Variants in RAB37 observed in about 807,000 individuals in gnomAD.
RAB37 encodes RAB37, member RAS oncogene family.
A neutral mutation model predicts 33.1 loss-of-function variants in RAB37; 29 were observed. The observed-to-expected ratio is 0.88, with a 90% confidence interval of 0.65 to 1.20. The LOEUF is 1.20. Ranked by LOEUF, RAB37 falls within the 50% of genes most tolerant of loss-of-function variation. The pLI is 0.00. For synonymous variants in RAB37, 128 were observed against 119.5 expected, an observed-to-expected ratio of 1.07 and a Z score of -0.47; for missense variants, 299 against 301.1, an observed-to-expected ratio of 0.99 and a Z score of 0.05.
rs557679640 is a variant in RAB37 at position 74,710,239 on chromosome 17, T to A, written c.73-19017T>A. On this transcript the variant is annotated intron_variant, in intron 1 of 7. Transcript: ENST00000340415. The stretch of plus-strand genomic sequence containing the variant: ...ATCCGCCTGCCTTGGCCTCCCAAAG[T>A]GCTGGGATTACAGGCGTGAGCCACT... 5.3e-5 allele frequency among the ~76,000 whole-genome samples: 8 copies of A among 152,300 alleles called. No individual in the cohort carries two copies. The South Asian group carries it at 1.7e-3, about 32-fold the overall frequency.
chr17:74,702,920 A>T lies in RAB37; in HGVS notation c.73-26336A>T, dbSNP rs2033185355. 1.3e-5 allele frequency: 11 copies of T among 848,016 alleles called. No individual in the cohort carries two copies. The East Asian group carries it at 2.7e-4, about 21-fold the overall frequency. 52.5% of individuals were successfully genotyped at this position (848,016 alleles called of 1,614,324 possible). ...AAGGGCTCCCAGCTTCCTCATCCTC[A>T]CCAAGGAGCATGCAGGTCCCAGACA... On this transcript the variant is annotated intron_variant, in intron 1 of 7. Transcript: ENST00000340415.
At chr17:74,694,731 T>C (rs2032267628) in intron 1 of RAB37, 1 of 171,258 alleles carries the variant, frequency 5.8e-6, no homozygotes, top group African/African-American at 2.4e-5. Context: ...GGGGCCATTA[T>C]TCAGCCCATA....
In RAB37 at chr17:74,745,344, C is replaced by T. The variant is rs1310103092; in HGVS notation, c.605C>T (p.Pro202Leu). 1 of 1,614,134 alleles carries T rather than the reference C, an allele frequency of 6.2e-7. No individual in the cohort carries two copies. Among genetic ancestry groups the T allele is most frequent in the Admixed American group, 1.7e-5 (1 of 60,030 alleles). ...KYRAGHQADE[P>L]SFQIRDYVES... ...CGGGCCGGGCATCAGGCGGATGAGCCCAGCTTCCAGATCCGAGACTATGTA... is the reference window on the plus strand; with the variant it reads ...CGGGCCGGGCATCAGGCGGATGAGCTCAGCTTCCAGATCCGAGACTATGTA... The change falls in exon 9 of 9, where the codon CCC becomes CTC. Residue 202 changes from proline to leucine, a missense_variant. Pro to Leu is a moderately conservative substitution (Grantham distance 98). Coordinates refer to ENST00000392613, the MANE Select transcript of RAB37 (RefSeq NM_001006638.3). This position sits in a 1 kb window ranked among gnomAD's most constrained non-coding sequence, Gnocchi z 4.5.
chr17:74,696,277 C>A, intron 1 of RAB37: 1 of 1,548,302 alleles, frequency 6.5e-7, no homozygotes, highest in Non-Finnish European at 8.7e-7. Flanking sequence ...ACAAGAACCC[C>A]CAGGTCTAGG....
intron 1 of RAB37, among the ~76,000 whole-genome samples, chr17:74,685,662 T>C (rs1400028700): frequency 1.3e-5 from 2 of 152,082 alleles, no homozygotes; most frequent in Non-Finnish European, 2.9e-5. Context: ...CTAACTCTTC[T>C]CCTTATCCCT....
chr17:74,677,840 T>G (rs1438164975), intron 1 of RAB37, among the ~76,000 whole-genome samples: 1 of 152,184 alleles, frequency 6.6e-6, no homozygotes, highest in Non-Finnish European at 1.5e-5. Flanking sequence ...AAAGTCGTTT[T>G]CCAAACTCTC....
At chr17:74,691,574 T>C (rs1445862819) in intron 1 of RAB37, among the ~76,000 whole-genome samples, 2 of 152,178 alleles carry the variant, frequency 1.3e-5, no homozygotes, top group African/African-American at 2.4e-5. Flanking sequence ...ATGTCCACCA[T>C]CCAGATGAAG....
At chr17:74,725,874 C>T (rs2034299972) in intron 1 of RAB37, among the ~76,000 whole-genome samples, 2 of 152,006 alleles carry the variant, frequency 1.3e-5, no homozygotes, top group South Asian at 4.1e-4. Context: ...TCTTGGCCTC[C>T]CAAAGTGCTG....
chr17:74,745,224 C>A lies in RAB37; in HGVS notation c.567-82C>A. 1.3e-6 allele frequency: 2 copies of A among 1,531,490 alleles called. No individual in the cohort carries two copies. Among genetic ancestry groups the A allele is most frequent in the Non-Finnish European group, 9.0e-7 (1 of 1,106,482 alleles). The allele number at this position is 1,531,490 out of a possible 1,614,324, so 94.9% of individuals were successfully genotyped here. The stretch of plus-strand genomic sequence containing the variant: ...GTCCATTTGCTCTGGGAGCACTGGG[C>A]CACTGGGAGAGGGGAGGGGGCGGCT... On this transcript the variant is annotated intron_variant, in intron 8 of 8. Transcript: ENST00000392613. This position sits in a 1 kb window ranked among gnomAD's most constrained non-coding sequence, Gnocchi z 4.5.
intron 1 of RAB37, among the ~76,000 whole-genome samples, chr17:74,683,551 G>C (rs2031996158): frequency 6.6e-6 from 1 of 152,152 alleles, no homozygotes; most frequent in African/African-American, 2.4e-5. Context: ...CACTTAGAAG[G>C]GCCCTGCATT....
At chr17:74,704,030 T>G (rs1040024098) in intron 1 of RAB37, among the ~76,000 whole-genome samples, 1 of 152,198 alleles carries the variant, frequency 6.6e-6, no homozygotes, top group Non-Finnish European at 1.5e-5. Context: ...GAGCCTCTTT[T>G]TCCCCCAGGT....
rs2031827206 is a variant in RAB37 at position 74,676,101 on chromosome 17, C to T, written c.72+4443C>T. Among the ~76,000 whole-genome samples, 1 of 152,120 alleles carries T rather than the reference C, an allele frequency of 6.6e-6. No individual in the cohort carries two copies. Among genetic ancestry groups the T allele is most frequent in the Admixed American group, 6.6e-5 (1 of 15,260 alleles). Reference sequence around the variant, plus strand: ...TTCAGGAACAGCCCACGGATTGGGTCCCTACTGTGCCAGGGTCTGACCTTG... The same window carrying T: ...TTCAGGAACAGCCCACGGATTGGGTTCCTACTGTGCCAGGGTCTGACCTTG... On this transcript the variant is annotated intron_variant, in intron 1 of 7. Transcript: ENST00000340415. The surrounding 1 kb of genome is among the most constrained non-coding windows in gnomAD (Gnocchi z 4.1).
chr17:74,707,716 GAA>G (rs201223906), intron 1 of RAB37, among the ~76,000 whole-genome samples: 2 of 102,458 alleles, frequency 2.0e-5, no homozygotes, highest in Admixed American at 1.0e-4. Context: ...CTCCATCTCA[GAA>G]AAAAAAAAAA....
chr17:74,698,087 C>G (rs573263902), intron 1 of RAB37, among the ~76,000 whole-genome samples: 2 of 152,286 alleles, frequency 1.3e-5, no homozygotes, highest in African/African-American at 4.8e-5. Flanking sequence ...GCCACCTATG[C>G]CATCAAGAGT....
chr17:74,712,955 C>G, intron 1 of RAB37: 1 of 1,355,688 alleles, frequency 7.4e-7, no homozygotes. Flanking sequence ...GGTACTCACT[C>G]TCGCCCTTGA....
chr17:74,744,385 C>T lies in RAB37; in HGVS notation c.432+12C>T, dbSNP rs373009231. 19 of 1,613,770 alleles carry T rather than the reference C, an allele frequency of 1.2e-5. No homozygotes were observed. The African/African-American group carries it at 2.1e-4, about 18-fold the overall frequency. On this transcript the variant is annotated intron_variant, in intron 6 of 8. Transcript: ENST00000392613. The surrounding 1 kb of genome is among the most constrained non-coding windows in gnomAD (Gnocchi z 4.2). The stretch of plus-strand genomic sequence containing the variant: ...TGCTAGGCAACAAGGTGAGTGGCTC[C>T]GGGGCAGGGTCAGCCCAGCCCTGCA...
intron 1 of RAB37, among the ~76,000 whole-genome samples, chr17:74,718,014 A>AGCAGG (rs1445654435): frequency 6.6e-6 from 1 of 151,364 alleles, no homozygotes; most frequent in Non-Finnish European, 1.5e-5. Context: ...CCACACAATC[A>AGCAGG]GCAGGGCATA....
At chr17:74,699,517 C>T (rs2032841075) in intron 1 of RAB37, among the ~76,000 whole-genome samples, 1 of 152,108 alleles carries the variant, frequency 6.6e-6, no homozygotes. Flanking sequence ...TAAACACACA[C>T]AGGAAGAAGA....
In RAB37 at chr17:74,729,388, C is replaced by T. The variant is rs763932403; in HGVS notation, c.183+22C>T. ...CACGGTAAGCACTGGCCGGCACTGC[C>T]AGCTCTGGGCCTGGGCTCAGGACCC... On this transcript the variant is annotated intron_variant, in intron 2 of 7. Transcript: ENST00000340415. The surrounding 1 kb of genome is among the most constrained non-coding windows in gnomAD (Gnocchi z 4.2). 6.4e-7 allele frequency: 1 copy of T among 1,566,114 alleles called. No individual in the cohort carries two copies. Among genetic ancestry groups the T allele is most frequent in the Non-Finnish European group, 8.8e-7 (1 of 1,136,182 alleles).
Sources: gnomAD v4.1 joint callset for allele counts (sites outside exome capture counted in the v4.1 genomes callset) on GRCh38, gnomAD v4.1.1 for gene constraint, Gnocchi (gnomAD v3.1) non-coding constraint, MANE v1.5 for transcripts, NCBI Gene and HGNC (gene_info 2026-07-23, HGNC 2026-07-21) for gene names.